The following STX8 variants were observed in gnomAD, a reference collection of about 807,000 sequenced individuals.
STX8 encodes syntaxin 8.
Under a neutral mutation model 37.5 loss-of-function variants are expected in STX8, and 23 were observed. The observed-to-expected ratio is 0.61, with a 90% CI of 0.44 to 0.87. The LOEUF is 0.87. Ranked by LOEUF, STX8 falls within the 40% of genes least tolerant of loss-of-function variation. STX8 has a pLI of 0.00. For missense variants in STX8, 313 were observed against 284.7 expected (o/e 1.10, Z -0.71); for synonymous variants, 115 against 99.1 (o/e 1.16, Z -0.95).
intron 7 of STX8, among the ~76,000 whole-genome samples, chr17:9,333,667 G>A (rs942485132): frequency 6.6e-6 from 1 of 152,238 alleles, no homozygotes; most frequent in Non-Finnish European, 1.5e-5. Context: ...CGGATTACAG[G>A]CGTGAGCCAC....
At chr17:9,342,436 A>G (rs1472396290) in intron 7 of STX8, among the ~76,000 whole-genome samples, 1 of 152,140 alleles carries the variant, frequency 6.6e-6, no homozygotes, top group Non-Finnish European at 1.5e-5. Context: ...GGTGACAGAG[A>G]AAATGCAAAG....
intron 7 of STX8, among the ~76,000 whole-genome samples, chr17:9,374,792 G>A (rs549472594): frequency 8.1e-4 from 123 of 152,060 alleles, no homozygotes; most frequent in Non-Finnish European, 1.5e-3. Flanking sequence ...GGTTGGGCGC[G>A]GTGGCTCACA....
chr17:9,391,563 G>A (rs79762903), intron 6 of STX8, among the ~76,000 whole-genome samples: 7,912 of 151,558 alleles, frequency 0.052, 315 homozygotes, highest in East Asian at 0.2. Flanking sequence ...GTGGCTAAAC[G>A]TTAACAACTG....
chr17:9,552,252 G>A (rs1906793730), intron 3 of STX8, among the ~76,000 whole-genome samples: 1 of 152,156 alleles, frequency 6.6e-6, no homozygotes, highest in Non-Finnish European at 1.5e-5. Context: ...TGAGGCAGGA[G>A]GATCTCTTGA....
intron 7 of STX8, among the ~76,000 whole-genome samples, chr17:9,312,969 T>A (rs1404778116): frequency 6.6e-6 from 1 of 151,956 alleles, no homozygotes; most frequent in African/African-American, 2.4e-5. Flanking sequence ...GGTAGGTGGA[T>A]CACCTGAGGT....
chr17:9,480,568 T>C (rs1162649787), intron 6 of STX8, among the ~76,000 whole-genome samples: 3 of 152,244 alleles, frequency 2.0e-5, no homozygotes, highest in Non-Finnish European at 2.9e-5. Context: ...GATCACTAAA[T>C]GGAAGTCCTT....
In STX8 at chr17:9,471,958, G is replaced by C. The variant is rs1469001554; in HGVS notation, c.541+19871C>G. 2.0e-5 allele frequency among the ~76,000 whole-genome samples: 3 copies of C among 151,896 alleles called. No homozygotes were observed. The East Asian group carries it at 5.8e-4, about 29-fold the overall frequency. ...GTTCCATAAAGTCACCATGAACACT[G>C]AATTAGCAAATACTCAACTGATGTT... On this transcript the variant is annotated intron_variant, in intron 6 of 7. Transcript: ENST00000306357.
intron 7 of STX8, among the ~76,000 whole-genome samples, chr17:9,314,690 G>A (rs1909320254): frequency 6.6e-6 from 1 of 150,460 alleles, no homozygotes; most frequent in Admixed American, 6.6e-5. Context: ...TTACAGGCAT[G>A]AGCCACCATG....
At chr17:9,485,929 G>GA (rs1250188683) in intron 6 of STX8, among the ~76,000 whole-genome samples, 1 of 151,982 alleles carries the variant, frequency 6.6e-6, no homozygotes, top group Non-Finnish European at 1.5e-5. Flanking sequence ...TGCAGCAAGA[G>GA]AAAATACAGA....
At chr17:9,539,272 A>T (rs913182799) in intron 4 of STX8, among the ~76,000 whole-genome samples, 1 of 152,218 alleles carries the variant, frequency 6.6e-6, no homozygotes, top group Non-Finnish European at 1.5e-5. Context: ...AAGAGGGAAA[A>T]GAGGGATGGA....
intron 7 of STX8, among the ~76,000 whole-genome samples, chr17:9,324,122 T>TCACA (rs1457899812): frequency 2.3e-5 from 3 of 132,888 alleles, no homozygotes; most frequent in African/African-American, 8.6e-5. Flanking sequence ...TCTCTCTCTC[T>TCACA]CTCTCACACA....
At chr17:9,360,999 G>A (rs1384990946) in intron 7 of STX8, among the ~76,000 whole-genome samples, 1 of 152,142 alleles carries the variant, frequency 6.6e-6, no homozygotes, top group Non-Finnish European at 1.5e-5. Flanking sequence ...TGACCTTCGT[G>A]TTCAGACTCA....
chr17:9,279,309 G>A (rs947973613), intron 7 of STX8, among the ~76,000 whole-genome samples: 11 of 152,058 alleles, frequency 7.2e-5, no homozygotes, highest in Middle Eastern at 3.4e-3. Context: ...CACCCACCTC[G>A]AATTCCTTAC....
intron 6 of STX8, among the ~76,000 whole-genome samples, chr17:9,452,674 T>C (rs1445296560): frequency 6.6e-6 from 1 of 152,098 alleles, no homozygotes; most frequent in Non-Finnish European, 1.5e-5. Flanking sequence ...CCTGAAACCC[T>C]TGAAAGGTTG....
chr17:9,505,878 G>T (rs1415141818), intron 4 of STX8, among the ~76,000 whole-genome samples: 3 of 151,262 alleles, frequency 2.0e-5, no homozygotes, highest in East Asian at 1.9e-4. Flanking sequence ...AGAGGCGGAG[G>T]TTGCAGTGAG....
intron 7 of STX8, among the ~76,000 whole-genome samples, chr17:9,373,854 G>A (rs561715024): frequency 3.2e-4 from 49 of 150,958 alleles, no homozygotes; most frequent in African/African-American, 9.8e-4. Context: ...CAGGAGAATC[G>A]CTCGAACCCG....
rs71135988 is a variant in STX8 at position 9,488,821 on chromosome 17, A to AGTGTGTGTGTGTGT, written c.541+2994_541+3007dup. On this transcript the variant is annotated intron_variant, in intron 6 of 7. Transcript: ENST00000306357. The stretch of plus-strand genomic sequence containing the variant: ...GAGAAAGAGAGAGAGAGAGAGAGAG[A>AGTGTGTGTGTGTGT]GTGTGTGTGTGTGTGTGTGTGTGTG... 9.1e-3 allele frequency among the ~76,000 whole-genome samples: 1,308 copies of AGTGTGTGTGTGTGT among 143,992 alleles called. 26 individuals carry two copies. The highest frequency in any genetic ancestry group is 0.031 in the African/African-American group (1,222 of 38,870). The allele number at this position is 143,992 out of a possible 152,430, so 94.5% of individuals were successfully genotyped here. A position where few individuals can be genotyped will look rare whatever the true frequency, so the allele number is the denominator to read the frequency against.
At chr17:9,548,128 A>T (rs1248349811) in intron 3 of STX8, among the ~76,000 whole-genome samples, 2 of 150,988 alleles carry the variant, frequency 1.3e-5, no homozygotes, top group Non-Finnish European at 2.9e-5. Context: ...TTTTTGAGAC[A>T]GTGTCTCCCT....
At chr17:9,354,385 G>C (rs1321278293) in intron 7 of STX8, among the ~76,000 whole-genome samples, 1 of 142,324 alleles carries the variant, frequency 7.0e-6, no homozygotes, top group Non-Finnish European at 1.5e-5. Flanking sequence ...GCGGTGGTGA[G>C]ATCTCGGCTC....
Sources: gnomAD v4.1 joint callset for allele counts (sites outside exome capture counted in the v4.1 genomes callset) on GRCh38, gnomAD v4.1.1 for gene constraint, MANE v1.5 for transcripts, NCBI Gene and HGNC (gene_info 2026-07-23, HGNC 2026-07-21) for gene names.